CERT1: variants seen among roughly 807,000 people sequenced by gnomAD.
CERT1 encodes ceramide transporter 1.
CERT1 carries 31 observed loss-of-function variants against 87.9 expected under a neutral mutation model. The observed-to-expected ratio is 0.35, with a 90% CI of 0.27 to 0.48. CERT1 has a LOEUF of 0.48. Among genes scored for constraint, CERT1 ranks in the 20% least tolerant of loss-of-function variants. The pLI, the probability that CERT1 is intolerant of heterozygous loss-of-function variation, is 0.99. For synonymous variants in CERT1, 289 were observed against 250.9 expected (o/e 1.15, Z -1.44); for missense variants, 487 against 758.0 (o/e 0.64, Z 4.20).
rs569026740 is a variant in CERT1, at chr5:75,473,982, GT to G, written c.232-14802del. ...TCATATTATTTTATACTCAGTACCT[GT>G]TCTAAGAAAAAACAACAGGGAAGTA... On this transcript the variant is annotated intron_variant, in intron 2 of 16. Coordinates refer to ENST00000643780, the MANE Select transcript of CERT1 (RefSeq NM_001379029.1). Among the ~76,000 whole-genome samples the G allele has an allele frequency of 3.9e-5, 6 of 152,282 alleles. No homozygotes were observed. The East Asian group carries it at 1.2e-3, about 29-fold the overall frequency.
chr5:75,468,861 CT>C (rs1221934296), intron 2 of CERT1, among the ~76,000 whole-genome samples: 1 of 152,160 alleles, frequency 6.6e-6, no homozygotes, highest in Non-Finnish European at 1.5e-5. Context: ...CAATAAGTAC[CT>C]ATTTCTTCAA....
chr5:75,389,441 A>AT (rs1337578779), intron 12 of CERT1, 151 bp downstream of exon 12: 1 of 531,320 alleles, frequency 1.9e-6, no homozygotes, highest in African/African-American at 1.9e-5. Flanking sequence ...AAGACATTTT[A>AT]TTGCTCAATA....
rs1245084310 is a variant in CERT1 at position 75,420,875 on chromosome 5, T to C, written c.596-1451A>G. Among the ~76,000 whole-genome samples, 6 of 152,094 alleles carry C rather than the reference T, an allele frequency of 3.9e-5. No individual in the cohort carries two copies. The South Asian group carries it at 1.0e-3, about 26-fold the overall frequency. On this transcript the variant is annotated intron_variant, in intron 5 of 16. Coordinates refer to ENST00000643780, the MANE Select transcript of CERT1 (RefSeq NM_001379029.1). ...TCTGGCTCTGTTGCCCAGCCTGGAG[T>C]GCAGTGGCACAATCTCAGCTCACTG...
At chr5:75,432,596 A>G (rs1763917970) in intron 3 of CERT1, among the ~76,000 whole-genome samples, 2 of 152,184 alleles carry the variant, frequency 1.3e-5, no homozygotes, top group African/African-American at 4.8e-5. Flanking sequence ...TATATTCTGG[A>G]TATCAGACCT....
chr5:75,371,701 C>T (rs1761090322), intron 17 of CERT1: 2 of 152,210 alleles, frequency 1.3e-5, no homozygotes. Context: ...AAAATCCCCA[C>T]ATCACCAATA....
intron 3 of CERT1, among the ~76,000 whole-genome samples, chr5:75,446,806 T>C (rs1224199924): frequency 6.6e-6 from 1 of 152,232 alleles, no homozygotes; most frequent in Admixed American, 6.5e-5. Flanking sequence ...TTTGTGTATA[T>C]GCAGTTGTTT....
chr5:75,389,678 T>A lies in CERT1; in HGVS notation c.1198A>T (p.Met400Leu). 6.2e-7 allele frequency: 1 copy of A among 1,613,582 alleles called. No individual in the cohort carries two copies. Among genetic ancestry groups the A allele is most frequent in the Non-Finnish European group, 8.5e-7 (1 of 1,179,558 alleles). Residue 400 changes from methionine (M) to leucine (L), a missense_variant, in exon 12 of 17, where the codon ATG becomes TTG. Met to Leu is a conservative substitution (Grantham distance 15). Around this residue, in one of 8 missense-constraint regions of CERT1, gnomAD observed 91 missense variants for 86.7 expected, o/e 1.05. Transcript: ENST00000643780. ...GAGTAAGTCATGTGGTTCTGCACCA[T>A]CTCTTCAACCTTGAGAAGGGAGGAA... ...VHRFSSQVEE[M>L]VQNHMTYSLQ...
At chr5:75,462,173 C>T (rs1765259495) in intron 2 of CERT1, among the ~76,000 whole-genome samples, 1 of 152,008 alleles carries the variant, frequency 6.6e-6, no homozygotes. Context: ...TAGAAAGAAA[C>T]AAATGTAGGA....
At chr5:75,383,668 A>G (rs1030849690) in intron 14 of CERT1, among the ~76,000 whole-genome samples, 1 of 152,140 alleles carries the variant, frequency 6.6e-6, no homozygotes, top group Non-Finnish European at 1.5e-5. Flanking sequence ...TAAGAAATAC[A>G]TAACAGACTT....
chr5:75,435,179 G>A (rs1417922949), intron 3 of CERT1, among the ~76,000 whole-genome samples: 1 of 152,160 alleles, frequency 6.6e-6, no homozygotes, highest in Non-Finnish European at 1.5e-5. Context: ...ATTCAAAGGA[G>A]TGGTCTTCAA....
intron 3 of CERT1, among the ~76,000 whole-genome samples, chr5:75,437,854 C>CT (rs1388220671): frequency 6.6e-6 from 1 of 150,852 alleles, no homozygotes; most frequent in African/African-American, 2.4e-5. Flanking sequence ...AATGAGGGTT[C>CT]ATTATGCCAG....
At chr5:75,461,222 A>G (rs1016144301) in intron 2 of CERT1, among the ~76,000 whole-genome samples, 12 of 152,222 alleles carry the variant, frequency 7.9e-5, no homozygotes, top group African/African-American at 2.9e-4. Context: ...GCAGCAGGCA[A>G]GCAAGCATTA....
intron 2 of CERT1, among the ~76,000 whole-genome samples, chr5:75,493,460 G>A (rs919163351): frequency 1.3e-5 from 2 of 152,016 alleles, no homozygotes; most frequent in African/African-American, 4.8e-5. Flanking sequence ...ATTCATTGTC[G>A]AAAATAATTA....
chr5:75,500,577 C>T (rs968926547), intron 2 of CERT1, among the ~76,000 whole-genome samples: 64 of 152,068 alleles, frequency 4.2e-4, no homozygotes, highest in Non-Finnish European at 7.5e-4. Context: ...CTTAGCAGAT[C>T]GAAGAGTCTC....
rs189818780 is a variant in CERT1 at position 75,491,571 on chromosome 5, C to T, written c.231+14411G>A. Among the ~76,000 whole-genome samples the T allele has an allele frequency of 1.3e-3, 202 of 152,266 alleles. 1 individual carries two copies. Among genetic ancestry groups the T allele is most frequent in the African/African-American group, 4.3e-3 (178 of 41,558 alleles). On this transcript the variant is annotated intron_variant, in intron 2 of 16. Coordinates refer to ENST00000643780, the MANE Select transcript of CERT1 (RefSeq NM_001379029.1). ...TTCTTCCAGCTCTCCCTCACTAGTGCTCCTTCTGTCTTCTCAAGGAACATA... is the reference window on the plus strand; with the variant it reads ...TTCTTCCAGCTCTCCCTCACTAGTGTTCCTTCTGTCTTCTCAAGGAACATA...
chr5:75,384,781 A>C lies in CERT1; in HGVS notation c.1418-69T>G. 3 of 1,025,164 alleles carry C rather than the reference A, an allele frequency of 2.9e-6. No individual in the cohort carries two copies. In the South Asian group the frequency reaches 4.0e-5, roughly 14 times the overall value. The allele number at this position is 1,025,164 out of a possible 1,614,324, so 63.5% of individuals were successfully genotyped here. ...GAATGTGATCAATTCACTTATGTTGAAAGTCAAGTACGAATGGACAGTATG... is the reference window on the plus strand; with the variant it reads ...GAATGTGATCAATTCACTTATGTTGCAAGTCAAGTACGAATGGACAGTATG... On this transcript the variant is annotated intron_variant, in intron 13 of 16. Transcript: ENST00000643780.
In CERT1 at chr5:75,379,588, CT is replaced by C. The variant is rs923151663; in HGVS notation, c.1748-116del. ...TTCCTCACATTGGACCAATTAGCATCTTTTTTTTTTCTTTTTGAGACGGAGT... is the reference window on the plus strand; with the variant it reads ...TTCCTCACATTGGACCAATTAGCATCTTTTTTTTTCTTTTTGAGACGGAGT... On this transcript the variant is annotated intron_variant, in intron 16 of 16. Coordinates refer to ENST00000643780, the MANE Select transcript of CERT1 (RefSeq NM_001379029.1). 2,172 of 858,674 alleles carry C rather than the reference CT, an allele frequency of 2.5e-3. 1 individual carries two copies. Among genetic ancestry groups the C allele is most frequent in the African/African-American group, 5.3e-3 (300 of 56,922 alleles). The allele number at this position is 858,674 out of a possible 1,614,324, so 53.2% of individuals were successfully genotyped here.
At chr5:75,434,185 GGT>G (rs1491494311) in intron 3 of CERT1, among the ~76,000 whole-genome samples, 5 of 141,086 alleles carry the variant, frequency 3.5e-5, no homozygotes, top group African/African-American at 1.4e-4. Flanking sequence ...AGTTTGTTGA[GGT>G]TTTTTTTTTT....
intron 3 of CERT1, among the ~76,000 whole-genome samples, chr5:75,453,813 C>T (rs1459318228): frequency 4.0e-5 from 3 of 74,488 alleles, no homozygotes; most frequent in African/African-American, 1.7e-4. Flanking sequence ...TGTTTGCACG[C>T]GTGTATGTAT....
Sources: allele counts gnomAD v4.1 joint callset (sites outside exome capture counted in the v4.1 genomes callset), GRCh38; gene constraint gnomAD v4.1.1; regional missense constraint gnomAD v4.1.1; transcripts MANE v1.5; gene names NCBI Gene and HGNC (gene_info 2026-07-23, HGNC 2026-07-21).